The following SUMF1 variants were observed in gnomAD, a reference collection of about 807,000 sequenced individuals.
The protein encoded by SUMF1 is formylglycine-generating enzyme.
SUMF1 carries 48 observed loss-of-function variants against 47.6 expected under a neutral mutation model. That is an observed-to-expected ratio of 1.01 (90% CI 0.80 to 1.28). The LOEUF (loss-of-function observed/expected upper bound fraction) is 1.28. Ranked by LOEUF, SUMF1 falls within the 50% of genes most tolerant of loss-of-function variation. The pLI, the probability that SUMF1 is intolerant of heterozygous loss-of-function variation, is 0.00. For synonymous variants in SUMF1, 230 were observed against 192.1 expected, an observed-to-expected ratio of 1.20 and a Z score of -1.63; for missense variants, 571 against 485.4, an observed-to-expected ratio of 1.18 and a Z score of -1.66.
chr3:4,097,278 C>T (rs73129160), intron 8 of SUMF1, among the ~76,000 whole-genome samples: 15,424 of 152,024 alleles, frequency 0.1, 1,504 homozygotes, highest in African/African-American at 0.23. Flanking sequence ...GAGCCAGGCA[C>T]GGTGGCTCAC....
intron 7 of SUMF1, among the ~76,000 whole-genome samples, chr3:4,386,579 T>A (rs911093962): frequency 1.3e-5 from 2 of 152,092 alleles, no homozygotes; most frequent in Non-Finnish European, 2.9e-5. Flanking sequence ...CTTGCTGATC[T>A]GTATACCTCT....
chr3:4,142,560 T>C (rs1468066942), intron 8 of SUMF1, among the ~76,000 whole-genome samples: 1 of 152,172 alleles, frequency 6.6e-6, no homozygotes, highest in Non-Finnish European at 1.5e-5. Context: ...ACTCTTTGTA[T>C]ACTCGATAGT....
chr3:4,128,149 C>G (rs1363235746), intron 8 of SUMF1, among the ~76,000 whole-genome samples: 2 of 152,036 alleles, frequency 1.3e-5, no homozygotes, highest in Non-Finnish European at 2.9e-5. Flanking sequence ...CTAAGATTGC[C>G]CTGAGTAAGA....
intron 8 of SUMF1, among the ~76,000 whole-genome samples, chr3:4,165,826 G>GAA (rs370990614): frequency 7.0e-6 from 1 of 143,854 alleles, no homozygotes; most frequent in African/African-American, 2.6e-5. Context: ...TTTCCCAGCT[G>GAA]AAAAAAAAAA....
chr3:4,109,917 T>C (rs1407932155), intron 8 of SUMF1, among the ~76,000 whole-genome samples: 3 of 152,158 alleles, frequency 2.0e-5, no homozygotes, highest in Non-Finnish European at 4.4e-5. Context: ...AGCCTTCTTC[T>C]CTCAACTCGT....
chr3:4,364,672 C>T (rs1699888340), intron 8 of SUMF1, among the ~76,000 whole-genome samples: 1 of 150,310 alleles, frequency 6.7e-6, no homozygotes, highest in South Asian at 2.1e-4. Context: ...TTTCAAAAAA[C>T]CAGCTCCTGG....
At chr3:4,119,812 C>T (rs1018774818) in intron 8 of SUMF1, among the ~76,000 whole-genome samples, 2 of 152,078 alleles carry the variant, frequency 1.3e-5, no homozygotes, top group Non-Finnish European at 2.9e-5. Flanking sequence ...AGTACAGGCA[C>T]ATGCAGGAAG....
chr3:4,267,282 G>A (rs4362708), intron 8 of SUMF1, among the ~76,000 whole-genome samples: 65,965 of 151,716 alleles, frequency 0.43, 14,721 homozygotes, highest in Non-Finnish European at 0.48. Context: ...ATTGATTGGA[G>A]TAGTTTCAGA....
intron 8 of SUMF1, among the ~76,000 whole-genome samples, chr3:4,131,098 C>A (rs945002915): frequency 1.3e-5 from 2 of 152,150 alleles, no homozygotes; most frequent in Non-Finnish European, 2.9e-5. Context: ...TTGATGGAAA[C>A]TGAACATTTG....
intron 9 of SUMF1, among the ~76,000 whole-genome samples, chr3:4,047,087 C>T (rs962652080): frequency 1.8e-4 from 27 of 152,194 alleles, no homozygotes; most frequent in South Asian, 1.0e-3. Context: ...TTTTCACTCC[C>T]GGAACACTCC....
intron 8 of SUMF1, among the ~76,000 whole-genome samples, chr3:4,118,080 A>G (rs1028476073): frequency 1.3e-5 from 2 of 152,104 alleles, no homozygotes; most frequent in Non-Finnish European, 1.5e-5. Context: ...CGGATCTGGC[A>G]GATAATAGGG....
At chr3:4,106,173 A>C (rs1693153802) in intron 8 of SUMF1, among the ~76,000 whole-genome samples, 1 of 152,082 alleles carries the variant, frequency 6.6e-6, no homozygotes, top group Non-Finnish European at 1.5e-5. Context: ...TTGCTGGGCC[A>C]TAAAAAACAA....
chr3:4,068,011 AG>A (rs1234083500), intron 9 of SUMF1, among the ~76,000 whole-genome samples: 1 of 152,198 alleles, frequency 6.6e-6, no homozygotes, highest in Non-Finnish European at 1.5e-5. Context: ...GAGGAAGCTG[AG>A]GTTAAAATCT....
At chr3:4,101,868 G>A (rs1251967426) in intron 8 of SUMF1, among the ~76,000 whole-genome samples, 1 of 152,096 alleles carries the variant, frequency 6.6e-6, no homozygotes, top group Non-Finnish European at 1.5e-5. Flanking sequence ...AATTTATAAA[G>A]GAAAGAGGTT....
intron 8 of SUMF1, among the ~76,000 whole-genome samples, chr3:4,147,758 A>T (rs1399601555): frequency 6.6e-6 from 1 of 152,072 alleles, no homozygotes; most frequent in East Asian, 1.9e-4. Flanking sequence ...ACCTACCACC[A>T]CCACCCTCTT....
chr3:4,453,241 C>A (rs114312096), intron 1 of SUMF1, among the ~76,000 whole-genome samples, 192 bp from the exon 2 acceptor site: 1,578 of 152,310 alleles, frequency 0.01, 31 homozygotes, highest in African/African-American at 0.036. Context: ...AGTGAAAATT[C>A]TTTAAGAAGG....
chr3:4,433,889 A>G (rs974069239), intron 3 of SUMF1, among the ~76,000 whole-genome samples: 1 of 152,232 alleles, frequency 6.6e-6, no homozygotes, highest in Admixed American at 6.5e-5. Context: ...AGACCTCAAG[A>G]AGGCATGAAT....
At chr3:4,416,001 T>C (rs965325746) in intron 6 of SUMF1, among the ~76,000 whole-genome samples, 1 of 152,188 alleles carries the variant, frequency 6.6e-6, no homozygotes, top group African/African-American at 2.4e-5. Flanking sequence ...AATAAATTTC[T>C]GTTGTTTACA....
chr3:4,419,822 C>G (rs1162207348), intron 4 of SUMF1, among the ~76,000 whole-genome samples: 1 of 152,212 alleles, frequency 6.6e-6, no homozygotes, highest in Non-Finnish European at 1.5e-5. Context: ...AGAGGCAACT[C>G]TTTGACAAGC....
Sources: gnomAD v4.1 joint callset for allele counts (sites outside exome capture counted in the v4.1 genomes callset) on GRCh38, gnomAD v4.1.1 for gene constraint, MANE v1.5 for transcripts, NCBI Gene and HGNC (gene_info 2026-07-23, HGNC 2026-07-21) for gene names.